Variants in LPA observed in about 807,000 individuals in gnomAD.
The protein encoded by LPA is lipoprotein(a).
Under a neutral mutation model 197.9 loss-of-function variants are expected in LPA, and 199 were observed. The observed-to-expected ratio is 1.01, with a 90% CI of 0.90 to 1.13. LPA has a LOEUF of 1.13. LPA is among the 50% of genes most tolerant of loss of function. The probability of loss-of-function intolerance (pLI) is 0.00; values close to 1 mark genes in which losing one functional copy is unlikely to be tolerated. For synonymous variants in LPA, 715 were observed against 639.5 expected (o/e 1.12, Z -1.78); for missense variants, 1,853 against 1,785.8 (o/e 1.04, Z -0.68).
chr6:160,576,380 ATATATATATG>A (rs1317691142), intron 28 of LPA, among the ~76,000 whole-genome samples: 1 of 60,390 alleles, frequency 1.7e-5, no homozygotes, highest in African/African-American at 9.9e-5. Flanking sequence ...ATATATATAT[ATATATATATG>A]TATATATATA....
At chr6:160,654,073 A>T (rs1333583802) in intron 1 of LPA, among the ~76,000 whole-genome samples, 3 of 42,476 alleles carry the variant, frequency 7.1e-5, no homozygotes, top group East Asian at 7.7e-4. Context: ...TATTATATAT[A>T]ATATATATTA....
chr6:160,534,460 G>A lies in LPA; in HGVS notation c.5843-1811C>T, dbSNP rs556194140. 9.2e-5 allele frequency among the ~76,000 whole-genome samples: 14 copies of A among 152,260 alleles called. No individual in the cohort carries two copies. In the South Asian group the frequency reaches 2.7e-3, roughly 29 times the overall value. Reference sequence around the variant, plus strand: ...CTGAGGATTGAAGCCCTCTCTGATGGCGCCCTGGAGACAGGGCCACGGGAT... The same window carrying A: ...CTGAGGATTGAAGCCCTCTCTGATGACGCCCTGGAGACAGGGCCACGGGAT... On this transcript the variant is annotated intron_variant, in intron 37 of 38. Coordinates refer to ENST00000316300, the MANE Select transcript of LPA (RefSeq NM_005577.4).
intron 28 of LPA, among the ~76,000 whole-genome samples, chr6:160,575,631 T>G (rs1778640974): frequency 6.6e-6 from 1 of 152,162 alleles, no homozygotes; most frequent in Non-Finnish European, 1.5e-5. Flanking sequence ...TTCCAAAGAG[T>G]GGCTTTTCTG....
At chr6:160,538,805 G>C (rs1470894313) in intron 36 of LPA, among the ~76,000 whole-genome samples, 1 of 152,078 alleles carries the variant, frequency 6.6e-6, no homozygotes, top group Non-Finnish European at 1.5e-5. Flanking sequence ...GGGGATGTGC[G>C]GTGGGAACTC....
At position 160,606,707 on chromosome 6, in the gene LPA, G is replaced by A. The variant is rs978943137; in HGVS notation, c.2604-49C>T. 5.0e-6 allele frequency: 8 copies of A among 1,601,458 alleles called. No homozygotes were observed. The African/African-American group carries it at 9.4e-5, about 19-fold the overall frequency. On this transcript the variant is annotated intron_variant, in intron 16 of 38. Coordinates refer to ENST00000316300, the MANE Select transcript of LPA (RefSeq NM_005577.4). ...GTCACAAGAGGTGGGACAATATGCA[G>A]GGGCACCCCACACCCTCTCCTTTGT... is the stretch of plus-strand genomic sequence containing the variant.
intron 27 of LPA, 45 bp downstream of exon 27, chr6:160,578,478 G>A (rs768559622): frequency 6.2e-7 from 1 of 1,609,508 alleles, no homozygotes; most frequent in East Asian, 2.2e-5. Flanking sequence ...GATTTTCCAT[G>A]GTTTTTCATC....
Position 160,585,131 on chromosome 6 carries a change from T to A in LPA, c.4204A>T (p.Thr1402Ser), listed in dbSNP as rs571769964. 6.2e-7 allele frequency: 1 copy of A among 1,613,886 alleles called. No homozygotes were observed. The highest frequency in any genetic ancestry group is 1.7e-5 in the Admixed American group (1 of 60,006). The stretch of plus-strand genomic sequence containing the variant: ...TGACATGTTCTTCCTGTGATAGTGG[T>A]GGAGAGTGTGCCTCGATAACTCTGT... Reference protein sequence around the residue: ...DGQSYRGTLSTTITGRTCQSW... With the variant: ...DGQSYRGTLSSTITGRTCQSW... The change falls in exon 26 of 39, where the codon ACC becomes TCC. Residue 1402 changes from threonine to serine, a missense_variant. Thr to Ser is a moderately conservative substitution (Grantham distance 58). Coordinates refer to ENST00000316300, the MANE Select transcript of LPA (RefSeq NM_005577.4).
chr6:160,654,092 A>T (rs1476129993), intron 1 of LPA, among the ~76,000 whole-genome samples: 1 of 59,558 alleles, frequency 1.7e-5, no homozygotes, highest in Non-Finnish European at 3.0e-5. Context: ...TATATATATT[A>T]TATATAATAT....
rs556580331 is a variant in LPA, at chr6:160,577,890, T to C, written c.4472-595A>G. Among the ~76,000 whole-genome samples the C allele has an allele frequency of 5.9e-5, 9 of 152,290 alleles. No homozygotes were observed. The South Asian group carries it at 1.9e-3, about 32-fold the overall frequency. ...GAATTGTAACAAAGCAGAATTCTCTTCCTCTTCTTCTGTAGACTCACTGCC... is the reference window on the plus strand; with the variant it reads ...GAATTGTAACAAAGCAGAATTCTCTCCCTCTTCTTCTGTAGACTCACTGCC... On this transcript the variant is annotated intron_variant, in intron 27 of 38. Transcript: ENST00000316300.
chr6:160,590,026 C>A (rs954593212), intron 23 of LPA, among the ~76,000 whole-genome samples: 2 of 152,180 alleles, frequency 1.3e-5, no homozygotes, highest in Non-Finnish European at 2.9e-5. Flanking sequence ...GAGAACAAGG[C>A]AGGAGACCAG....
Position 160,532,576 on chromosome 6 carries a change from C to G in LPA, c.5916G>C (p.Lys1972Asn). 6.2e-7 allele frequency: 1 copy of G among 1,613,384 alleles called. No homozygotes were observed. The highest frequency in any genetic ancestry group is 8.5e-7 in the Non-Finnish European group (1 of 1,179,500). The stretch of plus-strand genomic sequence containing the variant: ...TGGCCAAATGCTCAGCACAAATATA[C>G]TTATAGTGATTGCACACTTCATTCT... Reference protein sequence around the residue: ...VIENEVCNHYKYICAEHLARG... With the variant: ...VIENEVCNHYNYICAEHLARG... The change falls in exon 38 of 39, where the codon AAG becomes AAC. Residue 1972 changes from lysine to asparagine, a missense_variant. Lys to Asn is a moderately conservative substitution (Grantham distance 94). Transcript: ENST00000316300.
chr6:160,657,735 AAATGCAG>A (rs369757558), intron 1 of LPA, among the ~76,000 whole-genome samples: 21 of 152,258 alleles, frequency 1.4e-4, no homozygotes, highest in African/African-American at 5.1e-4. Flanking sequence ...CTGCAACATT[AAATGCAG>A]AATCCCTACT....
chr6:160,597,226 T>C (rs1779150767), intron 20 of LPA, among the ~76,000 whole-genome samples: 1 of 152,236 alleles, frequency 6.6e-6, no homozygotes, highest in Admixed American at 6.5e-5. Context: ...ATATTTGTTC[T>C]AGCCTGTTGT....
intron 30 of LPA, among the ~76,000 whole-genome samples, chr6:160,553,960 C>CGA (rs1362101557): frequency 7.7e-4 from 25 of 32,424 alleles, no homozygotes; most frequent in African/African-American, 3.4e-3. Context: ...TGTGTGCGCG[C>CGA]GCGCGCGTGT....
rs146024102 is a variant in LPA at position 160,585,167 on chromosome 6, G to C, written c.4168C>G (p.Arg1390Gly). 4.3e-6 allele frequency: 7 copies of C among 1,613,658 alleles called. No homozygotes were observed. In the African/African-American group the frequency reaches 8.0e-5, roughly 18 times the overall value. Residue 1390 changes from arginine (R) to glycine (G), a missense_variant, in exon 26 of 39, where the codon CGA becomes GGA. Coordinates refer to ENST00000316300, the MANE Select transcript of LPA (RefSeq NM_005577.4). ...ENSTGVQDCY[R>G]GDGQSYRGTL... is the part of the protein sequence containing the mutation. ...CCTCGATAACTCTGTCCATCACCTC[G>C]GTAGCAGTCCTGGACCCCAGTGCTG...
In LPA at chr6:160,634,716, C is replaced by T. The variant is rs561197215; in HGVS notation, c.1075+407G>A. On this transcript the variant is annotated intron_variant, in intron 7 of 38. Coordinates refer to ENST00000316300, the MANE Select transcript of LPA (RefSeq NM_005577.4). ...TTCTCGAGGATGACAGGCTCCAGAGCCACATTTTTTGAAATCTGCAATGCT... is the reference window on the plus strand; with the variant it reads ...TTCTCGAGGATGACAGGCTCCAGAGTCACATTTTTTGAAATCTGCAATGCT... Among the ~76,000 whole-genome samples, 4 of 151,988 alleles carry T rather than the reference C, an allele frequency of 2.6e-5. No homozygotes were observed. The South Asian group carries it at 8.3e-4, about 32-fold the overall frequency.
At position 160,589,651 on chromosome 6, in the gene LPA, T is replaced by A; in HGVS notation, c.3849A>T (p.Arg1283=). The part of the protein sequence containing the change: ...DCYHGDGQSY[R]GSFSTTVTGR... ...CTGTAACAGTGGTGGAGAATGAGCC[T>A]CGATAACTCTGTCCATCACCATGGT... Residue 1283 remains arginine (R), a synonymous_variant, in exon 24 of 39, where the codon CGA becomes CGT. Coordinates refer to ENST00000316300, the MANE Select transcript of LPA (RefSeq NM_005577.4). 1 of 1,613,952 alleles carries A rather than the reference T, an allele frequency of 6.2e-7. No homozygotes were observed. The highest frequency in any genetic ancestry group is 8.5e-7 in the Non-Finnish European group (1 of 1,179,866).
At chr6:160,584,523 G>T (rs1778870031) in intron 26 of LPA, among the ~76,000 whole-genome samples, 1 of 151,470 alleles carries the variant, frequency 6.6e-6, no homozygotes, top group South Asian at 2.1e-4. Flanking sequence ...GTAGAGATGG[G>T]GTTTTGCCAT....
At chr6:160,601,224 G>T (rs1583611646) in intron 18 of LPA, 126 bp from the exon 19 acceptor site, 2 of 786,078 alleles carry the variant, frequency 2.5e-6, no homozygotes, top group East Asian at 2.5e-5. Context: ...CCATACAATT[G>T]CCACAATGAC....
Sources: allele counts gnomAD v4.1 joint callset (sites outside exome capture counted in the v4.1 genomes callset), GRCh38; gene constraint gnomAD v4.1.1; transcripts MANE v1.5; gene names NCBI Gene and HGNC (gene_info 2026-07-23, HGNC 2026-07-21).